The following C4orf51 variants were observed in gnomAD, a reference collection of about 807,000 sequenced individuals.
The protein encoded by C4orf51 is chromosome 4 open reading frame 51.
In C4orf51, 25 loss-of-function variants were observed where a neutral mutation model predicts 25.2. The ratio of observed to expected loss-of-function variants is 0.99; its 90% CI spans 0.72 to 1.39. The LOEUF is 1.39. Among genes scored for constraint, C4orf51 ranks in the 40% most tolerant of loss-of-function variants. C4orf51 has a pLI of 0.00. For synonymous variants in C4orf51, 100 were observed against 84.5 expected (o/e 1.18, Z -1.01); for missense variants, 252 against 239.6 (o/e 1.05, Z -0.34).
At chr4:145,757,323 G>A (rs1560873267), downstream of C4orf51, among the ~76,000 whole-genome samples, 1 of 152,180 alleles carries the variant, frequency 6.6e-6, no homozygotes, top group Non-Finnish European at 1.5e-5. Context: ...AGCAGGAGAG[G>A]ATAGGGCTGG....
At chr4:145,712,336 C>G (rs1469843738) in intron 2 of C4orf51, among the ~76,000 whole-genome samples, 1 of 152,112 alleles carries the variant, frequency 6.6e-6, no homozygotes, top group Non-Finnish European at 1.5e-5. Flanking sequence ...CTTCTTGCAC[C>G]AAACATTTAG....
chr4:145,682,149 G>C (rs1728874923), intron 1 of C4orf51, among the ~76,000 whole-genome samples: 1 of 152,114 alleles, frequency 6.6e-6, no homozygotes, highest in Admixed American at 6.5e-5. Flanking sequence ...TTCCAACCAA[G>C]GCGGCCTGTG....
At chr4:145,774,695 A>G (rs1480299318), downstream of C4orf51, 3 of 1,605,026 alleles carry the variant, frequency 1.9e-6, no homozygotes, top group Non-Finnish European at 2.6e-6. Flanking sequence ...GTAAAAGAAA[A>G]GAGGGGGAGA....
intron 4 of C4orf51, 67 bp downstream of exon 4, chr4:145,729,296 G>GT (rs1560852505): frequency 2.2e-4 from 73 of 331,186 alleles, no homozygotes; most frequent in Non-Finnish European, 2.8e-4. Context: ...GTGGTCATGT[G>GT]ATTTTTTTTT....
intron 1 of C4orf51, among the ~76,000 whole-genome samples, chr4:145,766,633 GAGACAC>G (rs1735343215): frequency 6.6e-6 from 1 of 152,170 alleles, no homozygotes; most frequent in African/African-American, 2.4e-5. Flanking sequence ...AACAACCCCA[GAGACAC>G]AGAGAGGGTC....
At chr4:145,722,207 G>GCC (rs1303909473) in intron 2 of C4orf51, among the ~76,000 whole-genome samples, 1 of 152,124 alleles carries the variant, frequency 6.6e-6, no homozygotes, top group African/African-American at 2.4e-5. Context: ...ATACCCACCT[G>GCC]CCCTCTCCTA....
chr4:145,781,214 A>G, the C4orf51 span, among the ~76,000 whole-genome samples: 263 of 127,622 alleles, frequency 2.1e-3, 1 homozygote, highest in Middle Eastern at 0.013. Flanking sequence ...AAAAAAAAAA[A>G]AAAGAAAAAA....
intron 2 of C4orf51, among the ~76,000 whole-genome samples, chr4:145,711,691 GTTAGC>G (rs1325627828): frequency 6.6e-6 from 1 of 152,022 alleles, no homozygotes; most frequent in Non-Finnish European, 1.5e-5. Context: ...GCTTGATCAA[GTTAGC>G]TGTTGATGCT....
At chr4:145,733,260 C>T (rs895725799), downstream of C4orf51, among the ~76,000 whole-genome samples, 4 of 152,146 alleles carry the variant, frequency 2.6e-5, no homozygotes, top group African/African-American at 9.6e-5. Context: ...TTCTCCCCCA[C>T]GATCTTCCTC....
intron 3 of C4orf51, 133 bp from the exon 4 acceptor site, chr4:145,729,036 G>A: frequency 1.5e-6 from 1 of 657,036 alleles, no homozygotes; most frequent in Admixed American, 2.4e-5. Context: ...ACTCACAGTG[G>A]TGGCTTTTGA....
chr4:145,768,891 A>AATT (rs1735774799), intron 1 of C4orf51, among the ~76,000 whole-genome samples: 1 of 11,612 alleles, frequency 8.6e-5, no homozygotes, highest in Non-Finnish European at 2.1e-4. Context: ...AAAAAAAAAA[A>AATT]TATATATATA....
At chr4:145,710,573 A>G (rs2126725982) in intron 2 of C4orf51, among the ~76,000 whole-genome samples, 1 of 152,294 alleles carries the variant, frequency 6.6e-6, no homozygotes, top group Non-Finnish European at 1.5e-5. Context: ...GTCATATACC[A>G]GTTAAACTCT....
In C4orf51 at chr4:145,732,512, T is replaced by A; in HGVS notation, c.561T>A (p.Asp187Glu). The A allele has an allele frequency of 6.2e-7, 1 of 1,611,460 alleles. No individual in the cohort carries two copies. The highest frequency in any genetic ancestry group is 8.5e-7 in the Non-Finnish European group (1 of 1,179,058). ...GCTCATCTGAGGATTCAGAAGCTGATCGATACTCCGATTATGGCTGGGGAG... is the reference window on the plus strand; with the variant it reads ...GCTCATCTGAGGATTCAGAAGCTGAACGATACTCCGATTATGGCTGGGGAG... The part of the protein sequence containing the change: ...KVCSSEDSEA[D>E]RYSDYGWGGP... The change falls in exon 6 of 6, where the codon GAT becomes GAA. Residue 187 changes from aspartate to glutamate, a missense_variant. Transcript: ENST00000438731.
the C4orf51 span, among the ~76,000 whole-genome samples, chr4:145,789,220 T>G: frequency 6.6e-6 from 1 of 152,144 alleles, no homozygotes; most frequent in African/African-American, 2.4e-5. Context: ...AGCCTTACAT[T>G]GCCTATTTCT....
intron 1 of C4orf51, among the ~76,000 whole-genome samples, chr4:145,683,523 C>T (rs1279017865): frequency 1.3e-5 from 2 of 152,132 alleles, no homozygotes; most frequent in Non-Finnish European, 2.9e-5. Flanking sequence ...CCAAAGTAAT[C>T]AAGATAGTGT....
intron 1 of C4orf51, among the ~76,000 whole-genome samples, chr4:145,749,063 G>GTATATATATATATATATATATATATA (rs142948635): frequency 0.014 from 1,918 of 139,542 alleles, 17 homozygotes; most frequent in Middle Eastern, 0.038. Context: ...GTGTGTGTGT[G>GTATATATATATATATATATATATATA]TGTATATATA....
intron 1 of C4orf51, among the ~76,000 whole-genome samples, chr4:145,767,052 A>G (rs915917341): frequency 2.0e-5 from 3 of 152,208 alleles, no homozygotes; most frequent in African/African-American, 7.2e-5. Context: ...AGGTGATCAG[A>G]TGTGCAAAAA....
intron 2 of C4orf51, among the ~76,000 whole-genome samples, chr4:145,705,306 G>A (rs1186969122): frequency 2.6e-5 from 4 of 152,166 alleles, no homozygotes; most frequent in African/African-American, 7.2e-5. Flanking sequence ...CCTTTCCCTG[G>A]CATTGGCTGT....
downstream of C4orf51, among the ~76,000 whole-genome samples, chr4:145,737,341 A>G (rs1351955923): frequency 1.3e-5 from 2 of 152,264 alleles, no homozygotes; most frequent in Middle Eastern, 3.2e-3. Context: ...AGCATTTTGC[A>G]AACTATAGTG....
Sources: gnomAD v4.1 joint callset for allele counts (sites outside exome capture counted in the v4.1 genomes callset) on GRCh38, gnomAD v4.1.1 for gene constraint, MANE v1.5 for transcripts, NCBI Gene and HGNC (gene_info 2026-07-23, HGNC 2026-07-21) for gene names.